Variants in KLK13 observed in about 807,000 individuals in gnomAD.
KLK13 encodes kallikrein related peptidase 13.
In KLK13, 19 loss-of-function variants were observed where a neutral mutation model predicts 22.4. The observed-to-expected ratio is 0.85, with a 90% CI of 0.59 to 1.24. The LOEUF is 1.24. Ranked by LOEUF, KLK13 falls within the 50% of genes most tolerant of loss-of-function variation. The pLI, the probability that KLK13 is intolerant of heterozygous loss-of-function variation, is 0.00. For missense variants in KLK13, 311 were observed against 347.9 expected (o/e 0.89, Z 0.84); for synonymous variants, 156 against 141.8 (o/e 1.10, Z -0.71).
At chr19:51,061,106 T>TATCCATCC (rs1269618801) in intron 1 of KLK13, among the ~76,000 whole-genome samples, 2 of 151,770 alleles carry the variant, frequency 1.3e-5, no homozygotes, top group Admixed American at 6.6e-5. Flanking sequence ...TCTAACCATC[T>TATCCATCC]ATCCATCCAT....
At chr19:51,065,392 C>T (rs2091773405), upstream of KLK13, among the ~76,000 whole-genome samples, 1 of 152,098 alleles carries the variant, frequency 6.6e-6, no homozygotes, top group African/African-American at 2.4e-5. Context: ...CCTTTTCCTC[C>T]AGAGTCTGCC....
In KLK13 at chr19:51,058,624, C is replaced by T. The variant is rs2091697466; in HGVS notation, c.559G>A (p.Glu187Lys). The T allele has an allele frequency of 6.2e-7, 1 of 1,614,184 alleles. No individual in the cohort carries two copies. Among genetic ancestry groups the T allele is most frequent in the Non-Finnish European group, 8.5e-7 (1 of 1,180,028 alleles). ...QCANIQLRSD[E>K]ECRQVYPGKI... ...CCTGGGTAGACTTGACGACACTCCT[C>T]ATCTGAGCGAAGTTGGATGTTGGCA... The change falls in exon 4 of 5, where the codon GAG (glutamate) becomes AAG (lysine). Residue 187 changes from glutamate to lysine, a missense_variant. Glu to Lys is a moderately conservative substitution (Grantham distance 56). Coordinates refer to ENST00000595793, the MANE Select transcript of KLK13 (RefSeq NM_015596.3).
intron 2 of KLK13, 57 bp from the exon 3 acceptor site, chr19:51,060,150 TC>T: frequency 6.3e-7 from 1 of 1,595,092 alleles, no homozygotes; most frequent in South Asian, 1.1e-5. Flanking sequence ...TCCATCCCCA[TC>T]CCAGCCCCAA....
intron 1 of KLK13, chr19:51,063,589 G>A (rs965632587): frequency 2.9e-5 from 13 of 447,290 alleles, no homozygotes; most frequent in African/African-American, 2.0e-4. Flanking sequence ...CACCTACCTC[G>A]CCAGGTTGTT....
In KLK13 at chr19:51,056,886, G is replaced by C. The variant is rs1444164170; in HGVS notation, c.646-111C>G. ...AAAGATGGAGAGAGACACACACAGA[G>C]AAGGAGACTCAGAGAGGCAGAGTCA... On this transcript the variant is annotated intron_variant, in intron 4 of 4. Coordinates refer to ENST00000595793, the MANE Select transcript of KLK13 (RefSeq NM_015596.3). The C allele has an allele frequency of 5.2e-6, 4 of 773,854 alleles. No homozygotes were observed. In the African/African-American group the frequency reaches 5.2e-5, roughly 10 times the overall value. 47.9% of individuals were successfully genotyped at this position (773,854 alleles called of 1,614,324 possible). A position where few individuals can be genotyped will look rare whatever the true frequency, so the allele number is the denominator to read the frequency against.
chr19:51,061,243 C>A (rs1017594097), intron 1 of KLK13, among the ~76,000 whole-genome samples: 3 of 152,028 alleles, frequency 2.0e-5, no homozygotes, highest in Non-Finnish European at 4.4e-5. Flanking sequence ...TCCAACCATC[C>A]ATCCATCCAT....
chr19:51,056,301 C>G lies in KLK13; in HGVS notation c.*286G>C. 2.5e-6 allele frequency: 1 copy of G among 401,732 alleles called. No homozygotes were observed. Among genetic ancestry groups the G allele is most frequent in the Non-Finnish European group, 4.5e-6 (1 of 221,040 alleles). 24.9% of individuals were successfully genotyped at this position (401,732 alleles called of 1,614,324 possible). A position where few individuals can be genotyped will look rare whatever the true frequency, so the allele number is the denominator to read the frequency against. On this transcript the variant is annotated 3_prime_UTR_variant, in exon 5 of 5. Coordinates refer to ENST00000595793, the MANE Select transcript of KLK13 (RefSeq NM_015596.3). ...ACAGACAGAACGTTCAGGTGGTGAT[C>G]TGGGCTCATAGAAGCCACACTGATG...
chr19:51,065,141 C>G (rs2091771418), upstream of KLK13: 3 of 1,079,166 alleles, frequency 2.8e-6, no homozygotes, highest in Non-Finnish European at 4.0e-6. Flanking sequence ...TGAGGGCGTG[C>G]CCGGAACCTC....
chr19:51,058,170 A>G (rs1028830145), intron 4 of KLK13, among the ~76,000 whole-genome samples: 6 of 152,190 alleles, frequency 3.9e-5, no homozygotes, highest in African/African-American at 1.4e-4. Flanking sequence ...TTCCAAACAC[A>G]CAATTTGCAT....
At chr19:51,057,384 C>T (rs1002506229) in intron 4 of KLK13, among the ~76,000 whole-genome samples, 2 of 152,092 alleles carry the variant, frequency 1.3e-5, no homozygotes, top group Non-Finnish European at 2.9e-5. Context: ...CATGTAGTAT[C>T]CATTTCCTCT....
chr19:51,061,864 C>T (rs1229218931), intron 1 of KLK13, among the ~76,000 whole-genome samples: 2 of 152,232 alleles, frequency 1.3e-5, no homozygotes, highest in Non-Finnish European at 2.9e-5. Context: ...CCATCTCCAA[C>T]CTCTTTCTTC....
At chr19:51,058,172 A>T (rs553594458) in intron 4 of KLK13, among the ~76,000 whole-genome samples, 1 of 152,264 alleles carries the variant, frequency 6.6e-6, no homozygotes, top group Non-Finnish European at 1.5e-5. Context: ...CCAAACACAC[A>T]ATTTGCATAC....
In KLK13 at chr19:51,056,321, C is replaced by CTGA. The variant is rs1419001042; in HGVS notation, c.*263_*265dup. 6.8e-6 allele frequency: 3 copies of CTGA among 440,036 alleles called. No individual in the cohort carries two copies. Among genetic ancestry groups the CTGA allele is most frequent in the Non-Finnish European group, 1.2e-5 (3 of 243,714 alleles). The allele number at this position is 440,036 out of a possible 1,614,324, so 27.3% of individuals were successfully genotyped here. The stretch of plus-strand genomic sequence containing the variant: ...GTGATCTGGGCTCATAGAAGCCACA[C>CTGA]TGATGAAGTTGAGAGACCTGGGCCA... On this transcript the variant is annotated 3_prime_UTR_variant, in exon 5 of 5. Transcript: ENST00000595793.
chr19:51,056,757 G>A lies in KLK13; in HGVS notation c.664C>T (p.Leu222=). ...DSCEGDSGGP[L]VCNRTLYGIV... ...CCATACAGTGTTCTGTTACAGACCA[G>A]GGGGCCCCCAGAGTCACCCTGAGTT... is the stretch of plus-strand genomic sequence containing the variant. Residue 222 remains leucine, a synonymous_variant, in exon 5 of 5, where the codon CTG becomes TTG. Coordinates refer to ENST00000595793, the MANE Select transcript of KLK13 (RefSeq NM_015596.3). 6.2e-7 allele frequency: 1 copy of A among 1,613,280 alleles called. No individual in the cohort carries two copies.
intron 1 of KLK13, chr19:51,064,674 A>G (rs781415317): frequency 3.4e-6 from 2 of 586,114 alleles, no homozygotes; most frequent in Admixed American, 2.0e-5. Context: ...AAAACAATTT[A>G]GGCACAAAGC....
At chr19:51,056,866 T>C (rs2122674756) in intron 4 of KLK13, 91 bp from the exon 5 acceptor site, 4 of 936,670 alleles carry the variant, frequency 4.3e-6, no homozygotes, top group South Asian at 3.1e-5. Flanking sequence ...GAGTGAAAGA[T>C]GGAGAGAGAC....
chr19:51,060,439 A>AAAG lies in KLK13; in HGVS notation c.232_233insCTT (p.Cys77_Leu78insPro). The AAAG allele has an allele frequency of 6.2e-7, 1 of 1,607,152 alleles. No individual in the cohort carries two copies. The highest frequency in any genetic ancestry group is 8.5e-7 in the Non-Finnish European group (1 of 1,176,174). ...TCCCCCGGCCCCCACATACTCCTTT[A>AAAG]GACAGTGTGCGGCAGTGAGGACCCA... On this transcript the variant is annotated inframe_insertion, in exon 2 of 5. Transcript: ENST00000595793.
At chr19:51,062,157 G>A (rs2122706915) in intron 1 of KLK13, among the ~76,000 whole-genome samples, 1 of 152,176 alleles carries the variant, frequency 6.6e-6, no homozygotes, top group East Asian at 1.9e-4. Flanking sequence ...ATAGCCTGAA[G>A]GGGCTAGTGG....
intron 1 of KLK13, chr19:51,063,553 G>A (rs1779510396): frequency 1.2e-5 from 5 of 413,210 alleles, no homozygotes; most frequent in Non-Finnish European, 2.4e-5. Context: ...AGGTTTCTCT[G>A]CCATGAAATT....
Sources: gnomAD v4.1 joint callset for allele counts (sites outside exome capture counted in the v4.1 genomes callset) on GRCh38, gnomAD v4.1.1 for gene constraint, MANE v1.5 for transcripts, NCBI Gene and HGNC (gene_info 2026-07-23, HGNC 2026-07-21) for gene names.